The following CRIM1 variants were observed in gnomAD, a reference collection of about 807,000 sequenced individuals.
CRIM1 encodes the protein cysteine-rich motor neuron 1 protein.
In CRIM1, 32 loss-of-function variants were observed where a neutral mutation model predicts 116.4. That is an observed-to-expected ratio of 0.27 (90% confidence interval 0.21 to 0.37). The LOEUF (loss-of-function observed/expected upper bound fraction) is 0.37, where lower values mean the gene tolerates loss of function less well. Among genes scored for constraint, CRIM1 ranks in the 10% least tolerant of loss-of-function variants. The probability of loss-of-function intolerance (pLI) is 1.00; values close to 1 mark genes in which losing one functional copy is unlikely to be tolerated. For synonymous variants in CRIM1, 590 were observed against 509.2 expected, an observed-to-expected ratio of 1.16 and a Z score of -2.13; for missense variants, 1,331 against 1,354.8, an observed-to-expected ratio of 0.98 and a Z score of 0.28.
intron 7 of CRIM1, among the ~76,000 whole-genome samples, chr2:36,481,120 C>T (rs970431475): frequency 1.3e-5 from 2 of 152,278 alleles, no homozygotes; most frequent in Non-Finnish European, 1.5e-5. Flanking sequence ...CCTCATGGGT[C>T]TTATGTCATA....
At chr2:36,436,979 T>C (rs1160055143) in intron 2 of CRIM1, among the ~76,000 whole-genome samples, 1 of 152,252 alleles carries the variant, frequency 6.6e-6, no homozygotes, top group Non-Finnish European at 1.5e-5. Flanking sequence ...AATATTTGAT[T>C]GAAATATTCA....
chr2:36,498,405 C>A (rs1248760352), intron 7 of CRIM1, among the ~76,000 whole-genome samples: 1 of 152,024 alleles, frequency 6.6e-6, no homozygotes. Context: ...ATAATAGCAC[C>A]CACCTCATTG....
intron 2 of CRIM1, among the ~76,000 whole-genome samples, chr2:36,415,390 C>T (rs1673534551): frequency 6.6e-6 from 1 of 152,156 alleles, no homozygotes; most frequent in Non-Finnish European, 1.5e-5. Context: ...TGTGAAAATT[C>T]CACCTTGGTA....
At chr2:36,438,691 C>G (rs761983249) in intron 2 of CRIM1, among the ~76,000 whole-genome samples, 1 of 152,152 alleles carries the variant, frequency 6.6e-6, no homozygotes, top group Non-Finnish European at 1.5e-5. Context: ...ATGTAGCTAA[C>G]CCGGTAGCTT....
At chr2:36,434,747 T>C (rs1004992772) in intron 2 of CRIM1, among the ~76,000 whole-genome samples, 2 of 152,268 alleles carry the variant, frequency 1.3e-5, no homozygotes, top group Admixed American at 6.5e-5. Flanking sequence ...ATTTTCTGCC[T>C]ATTAATTGTA....
At chr2:36,486,088 T>A (rs149982308) in intron 7 of CRIM1, among the ~76,000 whole-genome samples, 210 of 152,362 alleles carry the variant, frequency 1.4e-3, no homozygotes, top group Middle Eastern at 3.4e-3. Flanking sequence ...ATTTAAAATG[T>A]CTTTACATAT....
rs568143964 is a variant in CRIM1, at chr2:36,549,519, G to T, written c.*818G>T. ...ACAGGAAGAGGAGGGAGAGGGTGAC[G>T]AACACCAGGCATTTCCAGGGGCTAT... is the stretch of plus-strand genomic sequence containing the variant. On this transcript the variant is annotated 3_prime_UTR_variant, in exon 17 of 17. Coordinates refer to ENST00000280527, the MANE Select transcript of CRIM1 (RefSeq NM_016441.3). The T allele has an allele frequency of 6.6e-6, 1 of 152,304 alleles. No individual in the cohort carries two copies. Among genetic ancestry groups the T allele is most frequent in the Non-Finnish European group, 1.5e-5 (1 of 67,924 alleles). 9.4% of individuals were successfully genotyped at this position (152,304 alleles called of 1,614,324 possible).
intron 1 of CRIM1, among the ~76,000 whole-genome samples, chr2:36,357,319 G>C (rs973826177): frequency 4.6e-5 from 7 of 152,176 alleles, no homozygotes; most frequent in Non-Finnish European, 8.8e-5. Flanking sequence ...GGAGTAAAAA[G>C]TTGTTGCTAT....
intron 7 of CRIM1, among the ~76,000 whole-genome samples, chr2:36,491,616 T>C (rs1680232876): frequency 6.6e-6 from 1 of 152,328 alleles, no homozygotes; most frequent in African/African-American, 2.4e-5. Flanking sequence ...TGTTCATTCA[T>C]TGAGCAGTTC....
chr2:36,498,367 A>G (rs1057306302), intron 7 of CRIM1, among the ~76,000 whole-genome samples: 6 of 152,210 alleles, frequency 3.9e-5, no homozygotes, highest in Non-Finnish European at 7.3e-5. Context: ...TCAGTGTGCT[A>G]GATTTCCTCA....
intron 4 of CRIM1, among the ~76,000 whole-genome samples, chr2:36,459,595 G>C (rs1033457289): frequency 2.6e-5 from 4 of 152,186 alleles, no homozygotes; most frequent in African/African-American, 9.7e-5. Context: ...GTTACGTACT[G>C]TTGCAAGTCA....
chr2:36,387,484 T>A (rs1572616568), intron 1 of CRIM1, among the ~76,000 whole-genome samples: 1 of 152,310 alleles, frequency 6.6e-6, no homozygotes, highest in East Asian at 1.9e-4. Flanking sequence ...AGAAGGCTGA[T>A]CTAGCACAGC....
At chr2:36,402,459 T>G (rs1022365075) in intron 2 of CRIM1, among the ~76,000 whole-genome samples, 7 of 147,960 alleles carry the variant, frequency 4.7e-5, no homozygotes, top group African/African-American at 1.5e-4. Flanking sequence ...GAGGGAGGGG[T>G]AAGGGCCAGA....
chr2:36,440,903 T>A (rs950375616), intron 2 of CRIM1, among the ~76,000 whole-genome samples: 1 of 152,206 alleles, frequency 6.6e-6, no homozygotes, highest in Non-Finnish European at 1.5e-5. Context: ...TCTTTTGAAT[T>A]CAAAGATCTT....
intron 6 of CRIM1, among the ~76,000 whole-genome samples, chr2:36,478,022 C>CTTTTTTTTTTTTTTTTTTTTTTTTTT (rs1679118927): frequency 6.6e-6 from 1 of 152,210 alleles, no homozygotes; most frequent in African/African-American, 2.4e-5. Flanking sequence ...ATGTGTTAAT[C>CTTTTTTTTTTTTTTTTTTTTTTTTTT]TTATGCCTGA....
intron 2 of CRIM1, among the ~76,000 whole-genome samples, chr2:36,403,368 C>G (rs1025842518): frequency 6.6e-6 from 1 of 152,108 alleles, no homozygotes; most frequent in Admixed American, 6.5e-5. Context: ...AAAAAATAGA[C>G]AATCAAAAAT....
At chr2:36,510,630 C>T (rs1462787113) in intron 9 of CRIM1, among the ~76,000 whole-genome samples, 1 of 152,110 alleles carries the variant, frequency 6.6e-6, no homozygotes, top group African/African-American at 2.4e-5. Flanking sequence ...GTATTTTTTT[C>T]TTTATCTAGC....
At chr2:36,509,939 C>T in intron 8 of CRIM1, 44 bp from the exon 9 acceptor site, 1 of 1,589,672 alleles carries the variant, frequency 6.3e-7, no homozygotes, top group Non-Finnish European at 8.6e-7. Context: ...GTGTTCTGCT[C>T]TGTTCATCTT....
At position 36,441,167 on chromosome 2, in the gene CRIM1, A is replaced by G. The variant is rs982060948; in HGVS notation, c.506-91A>G. The G allele has an allele frequency of 1.8e-5, 27 of 1,535,390 alleles. No individual in the cohort carries two copies. The Middle Eastern group carries it at 1.2e-3, about 70-fold the overall frequency. ...TCTTTCCCTACCGTCCTCTTTGGCT[A>G]CTTAAATAGATCATCAGGACTGTTT... On this transcript the variant is annotated intron_variant, in intron 2 of 16. Transcript: ENST00000280527.
Sources: gnomAD v4.1 joint callset for allele counts (sites outside exome capture counted in the v4.1 genomes callset) on GRCh38, gnomAD v4.1.1 for gene constraint, MANE v1.5 for transcripts, NCBI Gene and HGNC (gene_info 2026-07-23, HGNC 2026-07-21) for gene names.